The following CCDC30 variants were observed in gnomAD, a reference collection of about 807,000 sequenced individuals.
The protein encoded by CCDC30 is coiled-coil domain-containing protein 30.
Under a neutral mutation model 100.2 loss-of-function variants are expected in CCDC30, and 70 were observed. That is an observed-to-expected ratio of 0.70 (90% CI 0.58 to 0.85). The LOEUF (loss-of-function observed/expected upper bound fraction) is 0.85, where lower values mean the gene tolerates loss of function less well. CCDC30 is among the 40% of genes least tolerant of loss of function. The probability of loss-of-function intolerance (pLI) is 0.00; values close to 1 mark genes in which losing one functional copy is unlikely to be tolerated. For missense variants in CCDC30, 652 were observed against 771.2 expected (o/e 0.85, Z 1.83); for synonymous variants, 233 against 269.5 (o/e 0.86, Z 1.33).
chr1:42,640,182 A>C (rs1416052509), intron 12 of CCDC30, among the ~76,000 whole-genome samples: 1 of 152,178 alleles, frequency 6.6e-6, no homozygotes, highest in Non-Finnish European at 1.5e-5. Context: ...TTTCTTTCTA[A>C]GTCTCCAAAA....
At chr1:42,464,333 G>C (rs1263192430) in intron 1 of CCDC30, 4 of 152,170 alleles carry the variant, frequency 2.6e-5, no homozygotes, top group Non-Finnish European at 4.4e-5. Flanking sequence ...GTTGTTCCTT[G>C]TTTCATTAAA....
intron 8 of CCDC30, among the ~76,000 whole-genome samples, chr1:42,578,969 C>T (rs1350052855): frequency 6.6e-6 from 1 of 152,118 alleles, no homozygotes; most frequent in Non-Finnish European, 1.5e-5. Flanking sequence ...GTCTATGGAA[C>T]AGCCATTTCC....
intron 1 of CCDC30, among the ~76,000 whole-genome samples, chr1:42,474,839 G>A (rs1465696423): frequency 3.3e-5 from 5 of 152,082 alleles, no homozygotes; most frequent in Non-Finnish European, 7.4e-5. Context: ...GAGCATATTC[G>A]CTTTCTACCT....
chr1:42,485,104 T>C (rs1299051940), intron 3 of CCDC30, among the ~76,000 whole-genome samples: 1 of 152,196 alleles, frequency 6.6e-6, no homozygotes, highest in Non-Finnish European at 1.5e-5. Flanking sequence ...GAAATATTCA[T>C]AAGTGAATGA....
intron 6 of CCDC30, among the ~76,000 whole-genome samples, chr1:42,506,925 A>T (rs531599239): frequency 2.6e-5 from 4 of 152,142 alleles, no homozygotes; most frequent in Admixed American, 6.6e-5. Flanking sequence ...CATTGGTTTA[A>T]TGTTAACCCC....
chr1:42,500,318 C>G (rs61591226), intron 6 of CCDC30: 242,348 of 1,606,398 alleles, frequency 0.15, 19,101 homozygotes, highest in East Asian at 0.18. Context: ...TCCATCTCAG[C>G]CATATCGGGT....
At chr1:42,655,849 G>A (rs569919029), downstream of CCDC30, among the ~76,000 whole-genome samples, 44 of 148,578 alleles carry the variant, frequency 3.0e-4, 1 homozygote, top group African/African-American at 9.9e-4. Context: ...CTCTTGTTTG[G>A]CATTTAAGCT....
chr1:42,505,446 A>G (rs1644379941), intron 6 of CCDC30, among the ~76,000 whole-genome samples: 1 of 152,250 alleles, frequency 6.6e-6, no homozygotes. Context: ...CAATGAAACT[A>G]GAATTTAATG....
intron 6 of CCDC30, among the ~76,000 whole-genome samples, chr1:42,535,726 A>AC (rs1456742306): frequency 9.2e-6 from 1 of 109,278 alleles, no homozygotes; most frequent in Non-Finnish European, 1.8e-5. Context: ...TATAAATTTT[A>AC]AAAAATTAAA....
intron 7 of CCDC30, among the ~76,000 whole-genome samples, chr1:42,568,836 G>T (rs1014450573): frequency 2.1e-4 from 32 of 151,352 alleles, no homozygotes; most frequent in African/African-American, 7.8e-4. Flanking sequence ...CCAGCTACTC[G>T]GGAGGCTGAG....
chr1:42,513,071 T>C (rs956857265), intron 6 of CCDC30, among the ~76,000 whole-genome samples: 2 of 152,220 alleles, frequency 1.3e-5, no homozygotes, highest in Non-Finnish European at 2.9e-5. Context: ...GTTCCTGTTC[T>C]GATCCTGGAC....
upstream of CCDC30, chr1:42,459,557 G>A (rs1007906541): frequency 4.0e-6 from 6 of 1,490,356 alleles, no homozygotes; most frequent in African/African-American, 2.8e-5. Context: ...GACCTGGTAG[G>A]TAATGACCAT....
At chr1:42,552,964 TG>T (rs1321279097) in intron 6 of CCDC30, among the ~76,000 whole-genome samples, 1 of 152,094 alleles carries the variant, frequency 6.6e-6, no homozygotes, top group Non-Finnish European at 1.5e-5. Flanking sequence ...TATCCCTACT[TG>T]GCCTTCTCTG....
At chr1:42,625,728 A>G (rs1646920669) in intron 11 of CCDC30, among the ~76,000 whole-genome samples, 1 of 151,928 alleles carries the variant, frequency 6.6e-6, no homozygotes, top group African/African-American at 2.4e-5. Flanking sequence ...AATGCTTGAT[A>G]TTATTTCAGT....
At chr1:42,515,462 G>A (rs545318948) in intron 6 of CCDC30, among the ~76,000 whole-genome samples, 1 of 152,256 alleles carries the variant, frequency 6.6e-6, no homozygotes, top group South Asian at 2.1e-4. Context: ...CCTCATGAAT[G>A]GCATTAGCAT....
At chr1:42,483,266 A>G (rs1446377213) in intron 3 of CCDC30, among the ~76,000 whole-genome samples, 1 of 152,190 alleles carries the variant, frequency 6.6e-6, no homozygotes, top group Non-Finnish European at 1.5e-5. Flanking sequence ...TATTTCATTA[A>G]TAAACATACT....
intron 4 of CCDC30, among the ~76,000 whole-genome samples, chr1:42,493,903 C>T (rs563004405): frequency 4.6e-5 from 7 of 152,052 alleles, no homozygotes; most frequent in Non-Finnish European, 7.4e-5. Context: ...TGTAAAGAGG[C>T]GGAATTTTTA....
intron 12 of CCDC30, among the ~76,000 whole-genome samples, chr1:42,639,114 C>T (rs1647227506): frequency 6.6e-6 from 1 of 152,112 alleles, no homozygotes; most frequent in African/African-American, 2.4e-5. Context: ...GTCCTAGAAC[C>T]TTAGAATGTG....
intron 6 of CCDC30, among the ~76,000 whole-genome samples, chr1:42,545,826 C>T (rs781044930): frequency 1.3e-5 from 2 of 151,870 alleles, no homozygotes; most frequent in Non-Finnish European, 1.5e-5. Context: ...TGTCTGCAGT[C>T]CCACCTACTC....
Sources: allele counts gnomAD v4.1 joint callset (sites outside exome capture counted in the v4.1 genomes callset), GRCh38; gene constraint gnomAD v4.1.1; transcripts MANE v1.5; gene names NCBI Gene and HGNC (gene_info 2026-07-23, HGNC 2026-07-21).